RANBP2: variants seen among roughly 807,000 people sequenced by gnomAD.
RANBP2 encodes E3 SUMO-protein ligase RanBP2.
RANBP2 carries 57 observed loss-of-function variants against 303.6 expected under a neutral mutation model. The observed-to-expected ratio is 0.19, with a 90% CI of 0.15 to 0.23. The LOEUF (loss-of-function observed/expected upper bound fraction) is 0.23, where lower values mean the gene tolerates loss of function less well. Among genes scored for constraint, RANBP2 ranks in the 10% least tolerant of loss-of-function variants. The probability of loss-of-function intolerance (pLI) is 1.00; values close to 1 mark genes in which losing one functional copy is unlikely to be tolerated. For synonymous variants in RANBP2, 1,167 were observed against 1,301.5 expected, an observed-to-expected ratio of 0.90 and a Z score of 2.23; for missense variants, 3,138 against 3,780.8, an observed-to-expected ratio of 0.83 and a Z score of 4.46.
intron 7 of RANBP2, among the ~76,000 whole-genome samples, chr2:108,745,034 A>C (rs1352514973): frequency 2.0e-5 from 3 of 151,826 alleles, no homozygotes; most frequent in African/African-American, 7.3e-5. Flanking sequence ...GGATGCTTGC[A>C]TATTATTCCA....
the RANBP2 span, among the ~76,000 whole-genome samples, chr2:109,157,646 A>G: frequency 6.6e-6 from 1 of 152,212 alleles, no homozygotes; most frequent in Admixed American, 6.5e-5. Flanking sequence ...TAGCCACCTG[A>G]AAGGGATATA....
the RANBP2 span, among the ~76,000 whole-genome samples, chr2:109,330,714 T>C: frequency 1.3e-5 from 2 of 152,064 alleles, no homozygotes; most frequent in Non-Finnish European, 2.9e-5. Context: ...GACGGATGGA[T>C]GAATAAACAA....
the RANBP2 span, among the ~76,000 whole-genome samples, chr2:109,711,753 G>C: frequency 6.6e-6 from 1 of 152,040 alleles, no homozygotes; most frequent in Non-Finnish European, 1.5e-5. Flanking sequence ...AATTATGAGG[G>C]GCCTTTCCAC....
the RANBP2 span, among the ~76,000 whole-genome samples, chr2:109,492,405 C>A: frequency 6.6e-6 from 1 of 152,124 alleles, no homozygotes; most frequent in African/African-American, 2.4e-5. Context: ...CTTCTGCTAA[C>A]CAGTGAGAAC....
the RANBP2 span, among the ~76,000 whole-genome samples, chr2:109,734,376 C>A: frequency 6.6e-6 from 1 of 151,776 alleles, no homozygotes; most frequent in East Asian, 1.9e-4. Context: ...TTAAGAAATT[C>A]CATTTACAAT....
the RANBP2 span, chr2:109,504,021 T>C: frequency 6.6e-6 from 1 of 152,162 alleles, no homozygotes; most frequent in African/African-American, 2.4e-5. Flanking sequence ...CTGGAGCCAA[T>C]GCCGGGCTGC....
chr2:108,991,252 GTTGA>G, the RANBP2 span, among the ~76,000 whole-genome samples: 1,100 of 152,222 alleles, frequency 7.2e-3, 9 homozygotes, highest in South Asian at 0.028. Context: ...AATTAATTCA[GTTGA>G]TTAAGAGAAA....
At chr2:109,267,583 G>A in the RANBP2 span, among the ~76,000 whole-genome samples, 1 of 152,154 alleles carries the variant, frequency 6.6e-6, no homozygotes, top group Non-Finnish European at 1.5e-5. Flanking sequence ...GAGGGCCCCC[G>A]AGTGCCGGCT....
chr2:109,019,963 C>G, the RANBP2 span, among the ~76,000 whole-genome samples: 1 of 152,228 alleles, frequency 6.6e-6, no homozygotes, highest in East Asian at 1.9e-4. Context: ...TCTCCGTGAG[C>G]AGAGTTACAG....
At chr2:109,667,363 T>G in the RANBP2 span, 1 of 487,766 alleles carries the variant, frequency 2.1e-6, no homozygotes, top group Non-Finnish European at 3.8e-6. Context: ...TTTGCATTTC[T>G]ACTGTAACTC....
At chr2:109,429,215 A>AC in the RANBP2 span, among the ~76,000 whole-genome samples, 2 of 151,130 alleles carry the variant, frequency 1.3e-5, 1 homozygote, top group Non-Finnish European at 3.0e-5. Flanking sequence ...GATGCAGTTG[A>AC]CCCCCACCCG....
At chr2:109,099,792 T>C in the RANBP2 span, among the ~76,000 whole-genome samples, 1 of 152,194 alleles carries the variant, frequency 6.6e-6, no homozygotes, top group Non-Finnish European at 1.5e-5. Flanking sequence ...ACTATCATTT[T>C]TGTTTTTTTA....
chr2:109,201,002 A>C, the RANBP2 span, among the ~76,000 whole-genome samples: 1 of 152,158 alleles, frequency 6.6e-6, no homozygotes, highest in South Asian at 2.1e-4. Context: ...AAGGGGCAGC[A>C]GCAGCAGCTA....
At chr2:108,815,028 G>A in the RANBP2 span, among the ~76,000 whole-genome samples, 2 of 152,098 alleles carry the variant, frequency 1.3e-5, no homozygotes, top group African/African-American at 2.4e-5. Flanking sequence ...AATTAAATTA[G>A]AAATGTGTTT....
the RANBP2 span, among the ~76,000 whole-genome samples, chr2:109,735,433 A>T: frequency 6.6e-6 from 1 of 152,134 alleles, no homozygotes; most frequent in Non-Finnish European, 1.5e-5. Context: ...TTGATATCAT[A>T]TCTTGGCCAT....
chr2:108,975,595 C>T, the RANBP2 span, among the ~76,000 whole-genome samples: 1 of 152,166 alleles, frequency 6.6e-6, no homozygotes, highest in East Asian at 1.9e-4. Flanking sequence ...GGAAGCAGGG[C>T]AGCAGCTTTG....
chr2:108,773,997 G>C (rs1464017548), intron 23 of RANBP2, among the ~76,000 whole-genome samples: 1 of 152,194 alleles, frequency 6.6e-6, no homozygotes, highest in Non-Finnish European at 1.5e-5. Context: ...TCTATGGTAA[G>C]AAAAGATTGT....
the RANBP2 span, among the ~76,000 whole-genome samples, chr2:109,269,598 C>A: frequency 2.6e-5 from 4 of 152,084 alleles, no homozygotes; most frequent in African/African-American, 9.7e-5. Context: ...CTGGCCAACA[C>A]GGTGAAACCC....
At chr2:109,655,998 A>G in the RANBP2 span, among the ~76,000 whole-genome samples, 1 of 152,152 alleles carries the variant, frequency 6.6e-6, no homozygotes, top group Non-Finnish European at 1.5e-5. Flanking sequence ...GTCAGTTTTG[A>G]TTTGTAAACT....
Sources: allele counts gnomAD v4.1 joint callset (sites outside exome capture counted in the v4.1 genomes callset), GRCh38; gene constraint gnomAD v4.1.1; transcripts MANE v1.5; gene names NCBI Gene and HGNC (gene_info 2026-07-23, HGNC 2026-07-21).